ANAPC10: variants seen among roughly 807,000 people sequenced by gnomAD.
ANAPC10 encodes the protein anaphase promoting complex subunit 10.
Under a neutral mutation model 22.0 loss-of-function variants are expected in ANAPC10, and 12 were observed. That is an observed-to-expected ratio of 0.55 (90% CI 0.35 to 0.88). The LOEUF (loss-of-function observed/expected upper bound fraction) is 0.88. Ranked by LOEUF, ANAPC10 falls within the 40% of genes least tolerant of loss-of-function variation. The pLI, the probability that ANAPC10 is intolerant of heterozygous loss-of-function variation, is 0.01. For synonymous variants in ANAPC10, 65 were observed against 69.5 expected (o/e 0.94, Z 0.32); for missense variants, 188 against 220.9 (o/e 0.85, Z 0.94).
At chr4:145,051,531 A>C (rs1741098921) in intron 4 of ANAPC10, among the ~76,000 whole-genome samples, 2 of 152,228 alleles carry the variant, frequency 1.3e-5, no homozygotes, top group Non-Finnish European at 2.9e-5. Flanking sequence ...ATTTGTAATA[A>C]AATGCAGTTA....
intron 4 of ANAPC10, among the ~76,000 whole-genome samples, chr4:145,028,736 A>C (rs951600246): frequency 1.1e-4 from 17 of 152,314 alleles, no homozygotes; most frequent in Admixed American, 2.6e-4. Flanking sequence ...CACTTGATTC[A>C]CCACTCTTGA....
intron 2 of ANAPC10, among the ~76,000 whole-genome samples, chr4:145,087,022 A>G (rs934563109): frequency 4.0e-5 from 6 of 151,840 alleles, no homozygotes; most frequent in South Asian, 2.1e-4. Context: ...CTGTGACACA[A>G]GCAGAGGCGG....
chr4:145,092,327 A>C (rs1471132335), intron 2 of ANAPC10, among the ~76,000 whole-genome samples: 1 of 152,070 alleles, frequency 6.6e-6, no homozygotes, highest in Non-Finnish European at 1.5e-5. Context: ...TTAAACTTAA[A>C]ATTTAAATTA....
At chr4:145,056,181 GGTCAT>G (rs2126386288) in intron 4 of ANAPC10, among the ~76,000 whole-genome samples, 1 of 152,266 alleles carries the variant, frequency 6.6e-6, no homozygotes, top group South Asian at 2.1e-4. Flanking sequence ...ATAAGATACA[GGTCAT>G]AAAGACCTTG....
intron 3 of ANAPC10, among the ~76,000 whole-genome samples, chr4:145,073,054 AG>A (rs1393108022): frequency 6.6e-6 from 1 of 152,160 alleles, no homozygotes; most frequent in Admixed American, 6.5e-5. Flanking sequence ...CACCACACCC[AG>A]GTAATTTTTT....
chr4:145,037,380 T>TTTA (rs1738741572), intron 4 of ANAPC10, among the ~76,000 whole-genome samples: 1 of 152,158 alleles, frequency 6.6e-6, no homozygotes, highest in Non-Finnish European at 1.5e-5. Flanking sequence ...TTTTAAATGT[T>TTTA]TTATTATGCT....
chr4:145,011,633 G>A (rs1734330043), intron 4 of ANAPC10, among the ~76,000 whole-genome samples: 1 of 152,062 alleles, frequency 6.6e-6, no homozygotes, highest in Admixed American at 6.6e-5. Context: ...CTATGGCTTT[G>A]CCCAGGTAGA....
intron 4 of ANAPC10, among the ~76,000 whole-genome samples, chr4:145,037,999 C>T (rs192053297): frequency 5.2e-4 from 78 of 148,898 alleles, no homozygotes; most frequent in Admixed American, 1.3e-3. Flanking sequence ...ACATGGACAC[C>T]AACCTACCTT....
At chr4:145,089,098 T>C (rs1239409761) in intron 2 of ANAPC10, among the ~76,000 whole-genome samples, 3 of 152,206 alleles carry the variant, frequency 2.0e-5, no homozygotes, top group Non-Finnish European at 2.9e-5. Flanking sequence ...CACAAACTAA[T>C]GTAGCCTCCC....
At chr4:145,048,768 A>G (rs1740685051) in intron 4 of ANAPC10, among the ~76,000 whole-genome samples, 1 of 152,176 alleles carries the variant, frequency 6.6e-6, no homozygotes, top group African/African-American at 2.4e-5. Flanking sequence ...AGGAAATTCA[A>G]CCATTGGAGG....
chr4:145,097,709 G>T, intron 1 of ANAPC10: 1 of 383,692 alleles, frequency 2.6e-6, no homozygotes, highest in South Asian at 2.0e-5. Context: ...GTGAGATCTA[G>T]GGCGAGACTA....
At chr4:145,069,628 A>G (rs1744200246) in intron 3 of ANAPC10, among the ~76,000 whole-genome samples, 2 of 152,216 alleles carry the variant, frequency 1.3e-5, no homozygotes, top group South Asian at 4.1e-4. Context: ...AATCTTGCCC[A>G]AGAGAAATGA....
At chr4:145,031,599 G>A (rs546662568) in intron 4 of ANAPC10, among the ~76,000 whole-genome samples, 19 of 152,328 alleles carry the variant, frequency 1.2e-4, no homozygotes, top group African/African-American at 4.6e-4. Flanking sequence ...CAGAACAGGA[G>A]AAGGCTCTGC....
intron 4 of ANAPC10, among the ~76,000 whole-genome samples, chr4:145,018,715 C>A (rs1179756742): frequency 2.6e-5 from 4 of 151,036 alleles, no homozygotes. Flanking sequence ...ACATAACACA[C>A]AAGGAATCAT....
intron 4 of ANAPC10, among the ~76,000 whole-genome samples, chr4:145,044,629 T>A (rs1005481659): frequency 1.3e-5 from 2 of 152,130 alleles, no homozygotes; most frequent in African/African-American, 4.8e-5. Context: ...TCTATTATAC[T>A]GACAGGGTCA....
At chr4:144,998,698 A>G (rs1732017219) in intron 4 of ANAPC10, among the ~76,000 whole-genome samples, 1 of 152,198 alleles carries the variant, frequency 6.6e-6, no homozygotes, top group Admixed American at 6.5e-5. Context: ...TAACATCACA[A>G]TTAAAAGAAC....
At chr4:145,043,387 GA>G (rs1367958464) in intron 4 of ANAPC10, among the ~76,000 whole-genome samples, 4 of 151,940 alleles carry the variant, frequency 2.6e-5, no homozygotes, top group Admixed American at 6.6e-5. Context: ...AAGTTATTGG[GA>G]ATTCTACACT....
intron 4 of ANAPC10, among the ~76,000 whole-genome samples, chr4:145,034,523 T>TATATATATATATATA (rs1738157286): frequency 1.1e-5 from 1 of 91,914 alleles, no homozygotes; most frequent in Non-Finnish European, 1.9e-5. Context: ...AAACTCTCCT[T>TATATATATATATATA]TATATATATA....
At chr4:144,998,624 C>A (rs554059554) in intron 4 of ANAPC10, among the ~76,000 whole-genome samples, 38 of 152,020 alleles carry the variant, frequency 2.5e-4, no homozygotes, top group Admixed American at 1.6e-3. Context: ...AGCAGTGTGT[C>A]GAGGGAAATT....
Sources: gnomAD v4.1 joint callset for allele counts (sites outside exome capture counted in the v4.1 genomes callset) on GRCh38, gnomAD v4.1.1 for gene constraint, MANE v1.5 for transcripts, NCBI Gene and HGNC (gene_info 2026-07-23, HGNC 2026-07-21) for gene names.